The following PPP3CC variants were observed in gnomAD, a reference collection of about 807,000 sequenced individuals.
The protein encoded by PPP3CC is serine/threonine-protein phosphatase 2B catalytic subunit gamma isoform.
Under a neutral mutation model 60.3 loss-of-function variants are expected in PPP3CC, and 35 were observed. The observed-to-expected ratio is 0.58, with a 90% CI of 0.44 to 0.77. PPP3CC has a LOEUF of 0.77. Ranked by LOEUF, PPP3CC falls within the 30% of genes least tolerant of loss-of-function variation. The probability of loss-of-function intolerance (pLI) is 0.00; values close to 1 mark genes in which losing one functional copy is unlikely to be tolerated. For synonymous variants in PPP3CC, 206 were observed against 224.3 expected (o/e 0.92, Z 0.73); for missense variants, 570 against 628.9 (o/e 0.91, Z 1.00).
At chr8:22,461,087 G>A (rs560874530) in intron 1 of PPP3CC, among the ~76,000 whole-genome samples, 5 of 152,092 alleles carry the variant, frequency 3.3e-5, no homozygotes, top group South Asian at 2.1e-4. Context: ...CTTGTTATCC[G>A]CCCACCTTGG....
intron 5 of PPP3CC, 143 bp from the exon 6 acceptor site, chr8:22,513,150 G>T: frequency 1.7e-6 from 1 of 584,114 alleles, no homozygotes. Flanking sequence ...TCCTTTTCTT[G>T]CAGGAAAGTC....
At chr8:22,442,364 G>A (rs1035580515) in intron 1 of PPP3CC, among the ~76,000 whole-genome samples, 2 of 152,128 alleles carry the variant, frequency 1.3e-5, no homozygotes, top group African/African-American at 2.4e-5. Flanking sequence ...GTGACAGTGG[G>A]GAAAATTATT....
intron 1 of PPP3CC, among the ~76,000 whole-genome samples, chr8:22,472,111 A>G (rs1235901705): frequency 6.6e-6 from 1 of 152,118 alleles, no homozygotes; most frequent in Non-Finnish European, 1.5e-5. Context: ...TCTGGGCAAT[A>G]AAGCGAGATC....
At chr8:22,477,518 G>C (rs1262242342) in intron 3 of PPP3CC, among the ~76,000 whole-genome samples, 1 of 152,070 alleles carries the variant, frequency 6.6e-6, no homozygotes, top group South Asian at 2.1e-4. Flanking sequence ...ATGTTAGAAA[G>C]ACACATTGAG....
chr8:22,481,493 C>T (rs1838068506), intron 3 of PPP3CC, among the ~76,000 whole-genome samples: 1 of 149,866 alleles, frequency 6.7e-6, no homozygotes, highest in South Asian at 2.1e-4. Flanking sequence ...TATAAGATAC[C>T]TAATGAGGGC....
At chr8:22,510,930 C>T in intron 4 of PPP3CC, 156 bp from the exon 5 acceptor site, 2 of 770,402 alleles carry the variant, frequency 2.6e-6, no homozygotes, top group Admixed American at 2.9e-5. Flanking sequence ...ACCTATTATC[C>T]ACAACTTTTC....
At position 22,441,311 on chromosome 8, in the gene PPP3CC, C is replaced by A; in HGVS notation, c.-99C>A. On this transcript the variant is annotated 5_prime_UTR_variant, in exon 1 of 14. Transcript: ENST00000240139. ...GCCGGGGCCGGGCACGGCTGGCTGA[C>A]GGCTCCGGGCAGCTAAGGCTGCCCG... 8.1e-7 allele frequency: 1 copy of A among 1,229,562 alleles called. No homozygotes were observed. Among genetic ancestry groups the A allele is most frequent in the Non-Finnish European group, 1.1e-6 (1 of 924,728 alleles). 76.2% of individuals were successfully genotyped at this position (1,229,562 alleles called of 1,614,324 possible).
intron 1 of PPP3CC, among the ~76,000 whole-genome samples, chr8:22,444,332 A>G (rs1367953591): frequency 2.0e-5 from 3 of 152,222 alleles, no homozygotes; most frequent in Admixed American, 6.5e-5. Flanking sequence ...GGGTCATGCA[A>G]GTGACATAAA....
intron 13 of PPP3CC, among the ~76,000 whole-genome samples, chr8:22,539,883 A>G (rs531869079): frequency 6.6e-6 from 1 of 152,384 alleles, no homozygotes; most frequent in Admixed American, 6.5e-5. Context: ...TTTCAAGAGC[A>G]GAGGCAGAAG....
chr8:22,443,330 TG>T (rs1397190283), intron 1 of PPP3CC, among the ~76,000 whole-genome samples: 2 of 152,106 alleles, frequency 1.3e-5, no homozygotes, highest in Non-Finnish European at 2.9e-5. Flanking sequence ...GAAACCAGCC[TG>T]GCCAACATGG....
chr8:22,480,360 AAC>A (rs1016591021), intron 3 of PPP3CC, among the ~76,000 whole-genome samples: 2 of 152,200 alleles, frequency 1.3e-5, no homozygotes, highest in Admixed American at 6.5e-5. Context: ...CTTACCATTT[AAC>A]AGTTTCTTAT....
Position 22,511,185 on chromosome 8 carries a change from A to C in PPP3CC, c.584A>C (p.His195Pro). ...ALLNQQFLCV[H>P]GGMSPEITSL... ...TTAAACCAGCAGTTTCTCTGTGTACATGGAGGAATGTCACCTGAAATTACT... is the reference window on the plus strand; with the variant it reads ...TTAAACCAGCAGTTTCTCTGTGTACCTGGAGGAATGTCACCTGAAATTACT... The change falls in exon 5 of 14, where the codon CAT (histidine) becomes CCT (proline). Residue 195 changes from histidine to proline, a missense_variant. Transcript: ENST00000240139. The C allele has an allele frequency of 6.2e-7, 1 of 1,613,748 alleles. No homozygotes were observed. The highest frequency in any genetic ancestry group is 1.1e-5 in the South Asian group (1 of 91,072).
chr8:22,446,805 CAAAAAAAAAAAAAAA>C (rs34407184), intron 1 of PPP3CC, among the ~76,000 whole-genome samples: 1 of 21,956 alleles, frequency 4.6e-5, no homozygotes, highest in African/African-American at 1.1e-4. Flanking sequence ...GACTCTGTCT[CAAAAAAAAAAAAAAA>C]AAAAAAAAAA....
At chr8:22,501,158 T>TCAACAA (rs567497190) in intron 4 of PPP3CC, among the ~76,000 whole-genome samples, 233 of 151,914 alleles carry the variant, frequency 1.5e-3, no homozygotes, top group Non-Finnish European at 2.9e-3. Context: ...AGACCCTGTC[T>TCAACAA]CAACAACAAC....
intron 1 of PPP3CC, among the ~76,000 whole-genome samples, chr8:22,455,055 C>CA (rs5890035): frequency 0.017 from 1,521 of 91,034 alleles, 29 homozygotes; most frequent in African/African-American, 0.048. Flanking sequence ...GACTCCATCT[C>CA]AAAAAAAAAA....
chr8:22,452,038 G>GTTTTTATTT (rs1563673597), intron 1 of PPP3CC, among the ~76,000 whole-genome samples: 1 of 148,482 alleles, frequency 6.7e-6, no homozygotes. Flanking sequence ...TTTTTTAACA[G>GTTTTTATTT]TTTTAGAGAT....
chr8:22,458,791 G>A (rs991888765), intron 1 of PPP3CC, among the ~76,000 whole-genome samples: 60 of 151,920 alleles, frequency 3.9e-4, no homozygotes, highest in Non-Finnish European at 1.6e-4. Context: ...TGGATAATTC[G>A]ATTTGAATTG....
At chr8:22,495,829 G>A (rs1016689062) in intron 3 of PPP3CC, among the ~76,000 whole-genome samples, 2 of 152,116 alleles carry the variant, frequency 1.3e-5, no homozygotes, top group East Asian at 3.9e-4. Flanking sequence ...AAAGTGCTGG[G>A]ATTGCAGGCG....
chr8:22,497,953 C>T, intron 3 of PPP3CC, 48 bp from the exon 4 acceptor site: 1 of 1,203,832 alleles, frequency 8.3e-7, no homozygotes, highest in Non-Finnish European at 1.2e-6. Context: ...TGTGTTTATG[C>T]ATTATAATGG....
Sources: allele counts gnomAD v4.1 joint callset (sites outside exome capture counted in the v4.1 genomes callset), GRCh38; gene constraint gnomAD v4.1.1; transcripts MANE v1.5; gene names NCBI Gene and HGNC (gene_info 2026-07-23, HGNC 2026-07-21).